The following KAZN variants were observed in gnomAD, a reference collection of about 807,000 sequenced individuals.
KAZN encodes the protein kazrin.
Under a neutral mutation model 87.4 loss-of-function variants are expected in KAZN, and 40 were observed. The ratio of observed to expected loss-of-function variants is 0.46; its 90% CI spans 0.36 to 0.60. KAZN has a LOEUF of 0.60. KAZN is among the 20% of genes least tolerant of loss of function. The probability of loss-of-function intolerance (pLI) is 0.00; values close to 1 mark genes in which losing one functional copy is unlikely to be tolerated. For synonymous variants in KAZN, 466 were observed against 458.3 expected (o/e 1.02, Z -0.22); for missense variants, 898 against 1,073.9 (o/e 0.84, Z 2.29).
chr1:14,106,713 T>C (rs894436691), intron 1 of KAZN, among the ~76,000 whole-genome samples: 57 of 152,212 alleles, frequency 3.7e-4, no homozygotes, highest in Admixed American at 6.5e-5. Context: ...GGTTAAGTAG[T>C]AGATTAGCCC....
chr1:13,931,736 T>C (rs1011496382), intron 1 of KAZN, among the ~76,000 whole-genome samples: 4 of 152,206 alleles, frequency 2.6e-5, no homozygotes, highest in East Asian at 1.9e-4. Context: ...TATATGTAGC[T>C]TAGACTGAGC....
At chr1:14,947,320 C>T (rs1661934988) in intron 1 of KAZN, among the ~76,000 whole-genome samples, 1 of 152,186 alleles carries the variant, frequency 6.6e-6, no homozygotes, top group Non-Finnish European at 1.5e-5. Flanking sequence ...GAAAGTCCTG[C>T]ACAGTGAGGA....
chr1:14,437,524 AT>A (rs1382933687), intron 2 of KAZN, among the ~76,000 whole-genome samples: 1 of 152,182 alleles, frequency 6.6e-6, no homozygotes, highest in Non-Finnish European at 1.5e-5. Flanking sequence ...GAAACAATGC[AT>A]TGTAAAAATG....
intron 1 of KAZN, among the ~76,000 whole-genome samples, chr1:14,676,121 G>GT (rs1017477325): frequency 7.2e-5 from 11 of 152,056 alleles, no homozygotes; most frequent in Admixed American, 1.3e-4. Flanking sequence ...GTTGTTCCTG[G>GT]TTTTTTTTCC....
intron 2 of KAZN, among the ~76,000 whole-genome samples, chr1:14,367,857 G>A (rs1660144642): frequency 6.6e-6 from 1 of 152,150 alleles, no homozygotes; most frequent in African/African-American, 2.4e-5. Flanking sequence ...GTCCCTAAGT[G>A]CTGCCTTCTC....
chr1:14,077,118 G>A (rs1489072207), intron 1 of KAZN, among the ~76,000 whole-genome samples: 1 of 152,108 alleles, frequency 6.6e-6, no homozygotes, highest in Non-Finnish European at 1.5e-5. Flanking sequence ...TGATTGCCAG[G>A]AAGGTTCTCA....
At chr1:14,609,669 T>C (rs761194) in intron 1 of KAZN, among the ~76,000 whole-genome samples, 19,364 of 152,216 alleles carry the variant, frequency 0.13, 2,846 homozygotes, top group African/African-American at 0.36. Flanking sequence ...ATCAAGAAGG[T>C]TCCTGGGAAG....
chr1:15,045,658 A>G (rs1673396615), intron 4 of KAZN, among the ~76,000 whole-genome samples: 1 of 152,198 alleles, frequency 6.6e-6, no homozygotes, highest in South Asian at 2.1e-4. Flanking sequence ...TTTATAAAGG[A>G]AAGAGGTTTA....
At chr1:14,740,136 ACCCTGCAGC>A (rs1644042850) in intron 1 of KAZN, among the ~76,000 whole-genome samples, 1 of 152,058 alleles carries the variant, frequency 6.6e-6, no homozygotes, top group South Asian at 2.1e-4. Flanking sequence ...TGTGGCAAAT[ACCCTGCAGC>A]CCCTAGGAGG....
In KAZN at chr1:14,133,376, AAAAAGAAAGAAAG is replaced by A. The variant is rs1472304755; in HGVS notation, c.92-47055_92-47043del. On this transcript the variant is annotated intron_variant, in intron 1 of 16. Coordinates refer to the KAZN transcript ENST00000636203. The stretch of plus-strand genomic sequence containing the variant: ...GTGAGACTCCCTCTCAAAAAAAAAA[AAAAAGAAAGAAAG>A]AAAGAAAGAAAGAAAGAAAGAAAGA... Among the ~76,000 whole-genome samples, 12 of 75,924 alleles carry A rather than the reference AAAAAGAAAGAAAG, an allele frequency of 1.6e-4. 1 individual carries two copies. The highest frequency in any genetic ancestry group is 6.8e-4 in the African/African-American group (9 of 13,322). 49.8% of individuals were successfully genotyped at this position (75,924 alleles called of 152,430 possible).
At chr1:14,724,369 C>T (rs984655162) in intron 1 of KAZN, among the ~76,000 whole-genome samples, 4 of 152,196 alleles carry the variant, frequency 2.6e-5, no homozygotes, top group South Asian at 2.1e-4. Flanking sequence ...GGCACAGATG[C>T]GTCTGCGGGA....
intron 1 of KAZN, among the ~76,000 whole-genome samples, chr1:14,715,048 G>T (rs915279633): frequency 1.3e-5 from 2 of 150,846 alleles, no homozygotes; most frequent in African/African-American, 2.4e-5. Context: ...CTCCCACCTC[G>T]GCCTCCCAGA....
In KAZN at chr1:14,470,249, AGACT is replaced by A. The variant is rs199542824; in HGVS notation, c.250-128731_250-128728del. ...ATACAGGCAGAATATTATGTCAACTAGACTGATAAAACATGAAGCAGCCTCCTTA... is the reference window on the plus strand; with the variant it reads ...ATACAGGCAGAATATTATGTCAACTAGATAAAACATGAAGCAGCCTCCTTA... On this transcript the variant is annotated intron_variant, in intron 2 of 16. Coordinates refer to the KAZN transcript ENST00000636203. Among the ~76,000 whole-genome samples, 1,462 of 152,348 alleles carry A rather than the reference AGACT, an allele frequency of 9.6e-3. 15 individuals carry two copies. The highest frequency in any genetic ancestry group is 0.024 in the Middle Eastern group (7 of 294).
intron 1 of KAZN, among the ~76,000 whole-genome samples, chr1:14,154,767 C>T (rs1645551948): frequency 6.6e-6 from 1 of 152,052 alleles, no homozygotes; most frequent in African/African-American, 2.4e-5. Context: ...GGTTTTTGTC[C>T]TTCATTCTGG....
chr1:14,557,631 T>TGTGTGTGTGTGG (rs1673975229), intron 2 of KAZN, among the ~76,000 whole-genome samples: 1 of 21,090 alleles, frequency 4.7e-5, no homozygotes, highest in Non-Finnish European at 1.0e-4. Context: ...TGTGTGTGGG[T>TGTGTGTGTGTGG]GTGTGTGTGT....
chr1:13,916,862 G>T (rs926803469), intron 1 of KAZN, among the ~76,000 whole-genome samples: 1 of 152,112 alleles, frequency 6.6e-6, no homozygotes, highest in African/African-American at 2.4e-5. Flanking sequence ...GTTGAGGTGA[G>T]TGGGCTCGGG....
At chr1:14,928,029 A>G (rs1030495989) in intron 1 of KAZN, among the ~76,000 whole-genome samples, 1 of 152,082 alleles carries the variant, frequency 6.6e-6, no homozygotes, top group Non-Finnish European at 1.5e-5. Flanking sequence ...CAGATGGGGA[A>G]ACTGGTCCTT....
At chr1:14,090,206 C>A (rs182523019) in intron 1 of KAZN, among the ~76,000 whole-genome samples, 1 of 151,888 alleles carries the variant, frequency 6.6e-6, no homozygotes, top group African/African-American at 2.4e-5. Context: ...TTAAATGTTC[C>A]TTCCCTCATC....
chr1:15,098,163 C>T (rs1023944269), intron 10 of KAZN, among the ~76,000 whole-genome samples: 45 of 152,362 alleles, frequency 3.0e-4, no homozygotes, highest in African/African-American at 9.9e-4. Flanking sequence ...CGTGCTGCGC[C>T]GTGACCCAGA....
Sources: allele counts gnomAD v4.1 joint callset (sites outside exome capture counted in the v4.1 genomes callset), GRCh38; gene constraint gnomAD v4.1.1; transcripts MANE v1.5; gene names NCBI Gene and HGNC (gene_info 2026-07-23, HGNC 2026-07-21).